The following CSMD3 variants were observed in gnomAD, a reference collection of about 807,000 sequenced individuals.
CSMD3 encodes CUB and Sushi multiple domains 3, also known as CUB and sushi domain-containing protein 3.
In CSMD3, 177 loss-of-function variants were observed where a neutral mutation model predicts 435.2. The ratio of observed to expected loss-of-function variants is 0.41; its 90% confidence interval spans 0.36 to 0.46. The LOEUF (loss-of-function observed/expected upper bound fraction) is 0.46. Ranked by LOEUF, CSMD3 falls within the 20% of genes least tolerant of loss-of-function variation. CSMD3 has a pLI of 0.34. For missense variants in CSMD3, 4,265 were observed against 4,504.6 expected (o/e 0.95, Z 1.52); for synonymous variants, 1,656 against 1,520.5 (o/e 1.09, Z -2.07).
At chr8:112,377,915 G>C (rs911746815) in intron 38 of CSMD3, among the ~76,000 whole-genome samples, 5 of 151,802 alleles carry the variant, frequency 3.3e-5, no homozygotes, top group Admixed American at 2.0e-4. Context: ...AAAACAAAAA[G>C]CTTTTTCTTT....
chr8:112,925,521 C>T (rs1024635182), intron 9 of CSMD3, among the ~76,000 whole-genome samples: 1 of 151,546 alleles, frequency 6.6e-6, no homozygotes, highest in Non-Finnish European at 1.5e-5. Flanking sequence ...TGAGATCGCG[C>T]TACTGCACTC....
intron 7 of CSMD3, among the ~76,000 whole-genome samples, chr8:112,972,800 A>C (rs2130917535): frequency 6.6e-6 from 1 of 152,124 alleles, no homozygotes; most frequent in Non-Finnish European, 1.5e-5. Context: ...GCATGAATAA[A>C]ACCCACCCAC....
intron 10 of CSMD3, among the ~76,000 whole-genome samples, chr8:112,882,863 A>G (rs2081486116): frequency 6.6e-6 from 1 of 152,066 alleles, no homozygotes; most frequent in Admixed American, 6.6e-5. Context: ...AGGAACTCCA[A>G]GAAATAATTT....
chr8:112,550,957 T>C (rs530779555), intron 26 of CSMD3, 84 bp from the exon 27 acceptor site: 1 of 902,818 alleles, frequency 1.1e-6, no homozygotes, highest in Admixed American at 1.8e-5. Context: ...CATTATGCCT[T>C]TTACTAGATA....
At position 112,977,877 on chromosome 8, in the gene CSMD3, A is replaced by G. The variant is rs142193220; in HGVS notation, c.1031-1729T>C. Among the ~76,000 whole-genome samples the G allele has an allele frequency of 1.9e-4, 29 of 152,174 alleles. No individual in the cohort carries two copies. The East Asian group carries it at 5.4e-3, about 28-fold the overall frequency. Reference sequence around the variant, plus strand: ...TCAGGTTGCAATATTTAGTCAGCTAATATTTGATAATAATTTTTTAACCAC... The same window carrying G: ...TCAGGTTGCAATATTTAGTCAGCTAGTATTTGATAATAATTTTTTAACCAC... On this transcript the variant is annotated intron_variant, in intron 6 of 70. Transcript: ENST00000297405.
intron 20 of CSMD3, among the ~76,000 whole-genome samples, chr8:112,644,557 C>T (rs1432035182): frequency 6.6e-6 from 1 of 152,022 alleles, no homozygotes; most frequent in African/African-American, 2.4e-5. Context: ...CATTTATTAA[C>T]ATCTACCTTA....
chr8:112,647,770 T>C (rs753402682), intron 19 of CSMD3, among the ~76,000 whole-genome samples: 3 of 152,194 alleles, frequency 2.0e-5, no homozygotes, highest in Non-Finnish European at 2.9e-5. Context: ...ATCAACCTAA[T>C]GACATTTTTC....
intron 25 of CSMD3, 52 bp from the exon 26 acceptor site, chr8:112,552,772 A>G (rs1827800228): frequency 1.3e-6 from 2 of 1,549,562 alleles, no homozygotes; most frequent in Non-Finnish European, 1.8e-6. Context: ...AATCTTTTCA[A>G]AACAATCTAC....
intron 17 of CSMD3, 31 bp downstream of exon 17, chr8:112,666,246 T>C: frequency 6.5e-7 from 1 of 1,529,228 alleles, no homozygotes; most frequent in Non-Finnish European, 9.0e-7. Context: ...GATAATATTT[T>C]CTTTAAAAGT....
At chr8:112,542,227 A>T (rs1387924812) in intron 27 of CSMD3, among the ~76,000 whole-genome samples, 2 of 151,328 alleles carry the variant, frequency 1.3e-5, no homozygotes, top group Non-Finnish European at 2.9e-5. Flanking sequence ...AAAACTGAGA[A>T]CTTTTCCTCC....
intron 3 of CSMD3, among the ~76,000 whole-genome samples, chr8:113,225,208 G>C (rs938138248): frequency 2.0e-5 from 3 of 151,454 alleles, no homozygotes; most frequent in Non-Finnish European, 4.4e-5. Flanking sequence ...AGGGAAAGCA[G>C]AGGAGTGACT....
At chr8:112,718,203 T>C (rs2076776216) in intron 13 of CSMD3, among the ~76,000 whole-genome samples, 1 of 152,138 alleles carries the variant, frequency 6.6e-6, no homozygotes, top group Non-Finnish European at 1.5e-5. Context: ...TCTAGTTTTG[T>C]ATTTTTCTCC....
intron 32 of CSMD3, among the ~76,000 whole-genome samples, chr8:112,461,861 T>C (rs1210602692): frequency 6.6e-6 from 1 of 152,214 alleles, no homozygotes; most frequent in African/African-American, 2.4e-5. Context: ...TGAAATTATA[T>C]GAATCCATGT....
intron 4 of CSMD3, among the ~76,000 whole-genome samples, chr8:113,135,179 A>G (rs1178410755): frequency 1.3e-5 from 2 of 152,026 alleles, no homozygotes; most frequent in African/African-American, 4.8e-5. Context: ...TACCTGACAC[A>G]TATTAGGCTG....
At chr8:112,673,346 A>ATAGAGG (rs2075700178) in intron 16 of CSMD3, among the ~76,000 whole-genome samples, 1 of 152,046 alleles carries the variant, frequency 6.6e-6, no homozygotes, top group Admixed American at 6.6e-5. Flanking sequence ...GCCAAAATAG[A>ATAGAGG]GTCCATTTCC....
intron 3 of CSMD3, among the ~76,000 whole-genome samples, chr8:113,245,943 A>G (rs1195614394): frequency 6.6e-6 from 1 of 151,974 alleles, no homozygotes; most frequent in African/African-American, 2.4e-5. Flanking sequence ...ATGGCATACC[A>G]CCACTTTTAA....
chr8:112,318,020 T>C (rs1049670482), intron 47 of CSMD3, among the ~76,000 whole-genome samples: 1 of 152,076 alleles, frequency 6.6e-6, no homozygotes, highest in Non-Finnish European at 1.5e-5. Flanking sequence ...AAATGAACAA[T>C]AAATGTTTTT....
chr8:113,040,860 G>A lies in CSMD3; in HGVS notation c.918-21681C>T, dbSNP rs1459296557. 3.3e-5 allele frequency among the ~76,000 whole-genome samples: 5 copies of A among 152,080 alleles called. No homozygotes were observed. In the East Asian group the frequency reaches 7.8e-4, roughly 24 times the overall value. On this transcript the variant is annotated intron_variant, in intron 5 of 70. Transcript: ENST00000297405. ...AAATAGAAGACCAATAACTTGCTCC[G>A]CTTCTGGATTCCCCCCACACACCAA...
chr8:113,093,622 T>C (rs979215811), intron 5 of CSMD3, among the ~76,000 whole-genome samples: 1 of 151,874 alleles, frequency 6.6e-6, no homozygotes, highest in African/African-American at 2.4e-5. Flanking sequence ...ATTAAGAAAA[T>C]TGGGGCATGA....
Sources: gnomAD v4.1 joint callset for allele counts (sites outside exome capture counted in the v4.1 genomes callset) on GRCh38, gnomAD v4.1.1 for gene constraint, MANE v1.5 for transcripts, NCBI Gene and HGNC (gene_info 2026-07-23, HGNC 2026-07-21) for gene names.